The following DGKG variants were observed in gnomAD, a reference collection of about 807,000 sequenced individuals.
DGKG encodes DAG kinase gamma.
In DGKG, 78 loss-of-function variants were observed where a neutral mutation model predicts 105.3. That is an observed-to-expected ratio of 0.74 (90% CI 0.62 to 0.89). The LOEUF is 0.89. Among genes scored for constraint, DGKG ranks in the 40% least tolerant of loss-of-function variants. The pLI is 0.00. For missense variants in DGKG, 958 were observed against 1,020.1 expected, an observed-to-expected ratio of 0.94 and a Z score of 0.83; for synonymous variants, 346 against 367.1, an observed-to-expected ratio of 0.94 and a Z score of 0.66.
chr3:186,359,643 T>C (rs1727136655), intron 1 of DGKG, among the ~76,000 whole-genome samples: 1 of 152,114 alleles, frequency 6.6e-6, no homozygotes, highest in Non-Finnish European at 1.5e-5. Context: ...TCCTGAGGAT[T>C]AAAGGATATA....
intron 1 of DGKG, among the ~76,000 whole-genome samples, chr3:186,354,091 T>G (rs1282306292): frequency 6.6e-6 from 1 of 152,058 alleles, no homozygotes; most frequent in Non-Finnish European, 1.5e-5. Flanking sequence ...GATGAGACTT[T>G]TGGATGGGGA....
In DGKG at chr3:186,149,493, C is replaced by T. The variant is rs866124949; in HGVS notation, c.*597G>A. On this transcript the variant is annotated 3_prime_UTR_variant, in exon 25 of 25. Coordinates refer to ENST00000265022, the MANE Select transcript of DGKG (RefSeq NM_001346.3). The stretch of plus-strand genomic sequence containing the variant: ...CCAAGAATGGAAATACAGCTTTCCA[C>T]AGCCTTTCTGCCTCTTCAGCAGGTT... 2.0e-6 allele frequency: 2 copies of T among 985,494 alleles called. No homozygotes were observed. The highest frequency in any genetic ancestry group is 1.7e-5 in the African/African-American group (1 of 57,382). 61.0% of individuals were successfully genotyped at this position (985,494 alleles called of 1,614,324 possible).
intron 21 of DGKG, among the ~76,000 whole-genome samples, chr3:186,191,632 A>T (rs1717913153): frequency 6.6e-6 from 1 of 152,250 alleles, no homozygotes; most frequent in Non-Finnish European, 1.5e-5. Context: ...AGAATGGCAC[A>T]GTCCTGTTGA....
At chr3:186,299,071 G>A (rs1723739741) in intron 3 of DGKG, among the ~76,000 whole-genome samples, 1 of 152,194 alleles carries the variant, frequency 6.6e-6, no homozygotes, top group African/African-American at 2.4e-5. Context: ...AAGGGCTGCT[G>A]CACTCAGCAA....
chr3:186,245,061 C>T (rs186470760), intron 19 of DGKG, among the ~76,000 whole-genome samples: 1 of 152,260 alleles, frequency 6.6e-6, no homozygotes, highest in East Asian at 1.9e-4. Context: ...CACATGTTGC[C>T]TGGCACAATT....
chr3:186,258,560 G>C (rs6444117), intron 16 of DGKG, among the ~76,000 whole-genome samples: 29,632 of 152,068 alleles, frequency 0.19, 3,048 homozygotes, highest in Middle Eastern at 0.24. Flanking sequence ...CTTCAATTCA[G>C]CATGTAGGCA....
At chr3:186,286,578 G>A (rs751494654) in intron 6 of DGKG, among the ~76,000 whole-genome samples, 1 of 152,204 alleles carries the variant, frequency 6.6e-6, no homozygotes, top group Non-Finnish European at 1.5e-5. Flanking sequence ...TTGGCAATAG[G>A]TGTGGGATTT....
At chr3:186,269,928 AC>A (rs1230682617) in intron 11 of DGKG, among the ~76,000 whole-genome samples, 1 of 151,978 alleles carries the variant, frequency 6.6e-6, no homozygotes, top group East Asian at 1.9e-4. Context: ...GGGAGGCTGA[AC>A]CCTCAGTTCC....
rs973821490 is a variant in DGKG, at chr3:186,210,642, C to A, written c.1917+1153G>T. The A allele has an allele frequency of 2.2e-6, 1 of 454,122 alleles. No individual in the cohort carries two copies. Among genetic ancestry groups the A allele is most frequent in the East Asian group, 7.0e-5 (1 of 14,314 alleles). The allele number at this position is 454,122 out of a possible 1,614,324, so 28.1% of individuals were successfully genotyped here. A position where few individuals can be genotyped will look rare whatever the true frequency, so the allele number is the denominator to read the frequency against. ...CCTGTGAGTGAGGAGCACAGGGGCC[C>A]TTCCGGCAGGGAGGGGCAGGGCTTT... On this transcript the variant is annotated intron_variant, in intron 21 of 24. Coordinates refer to ENST00000265022, the MANE Select transcript of DGKG (RefSeq NM_001346.3). The surrounding 1 kb of genome is among the most constrained non-coding windows in gnomAD (Gnocchi z 5.2).
At chr3:186,183,020 G>T (rs1451593289) in intron 22 of DGKG, among the ~76,000 whole-genome samples, 2 of 152,218 alleles carry the variant, frequency 1.3e-5, no homozygotes, top group Non-Finnish European at 2.9e-5. Flanking sequence ...GAATTCACAG[G>T]CTGGGCTCGC....
chr3:186,148,170 C>T lies in DGKG; in HGVS notation c.*1920G>A, dbSNP rs769298996. ...CCCAATGAAGCTCTGCATGGCCTTG[C>T]CCTTGGGAAAGGATGGTAATGCTGG... On this transcript the variant is annotated 3_prime_UTR_variant, in exon 25 of 25. Transcript: ENST00000265022. The T allele has an allele frequency of 3.7e-5, 36 of 985,370 alleles. No individual in the cohort carries two copies. Among genetic ancestry groups the T allele is most frequent in the Non-Finnish European group, 4.3e-5 (36 of 829,996 alleles). 61.0% of individuals were successfully genotyped at this position (985,370 alleles called of 1,614,324 possible). A position where few individuals can be genotyped will look rare whatever the true frequency, so the allele number is the denominator to read the frequency against.
chr3:186,204,919 C>T lies in DGKG; in HGVS notation c.1917+6876G>A, dbSNP rs559712987. ...GAGTTCCCATTTCTGCTCCTCGTCA[C>T]GGATAGTGGCTGGGTTTTCATGGAA... On this transcript the variant is annotated intron_variant, in intron 21 of 24. Coordinates refer to ENST00000265022, the MANE Select transcript of DGKG (RefSeq NM_001346.3). Among the ~76,000 whole-genome samples, 17 of 152,212 alleles carry T rather than the reference C, an allele frequency of 1.1e-4. No individual in the cohort carries two copies. The South Asian group carries it at 2.1e-3, about 19-fold the overall frequency.
intron 20 of DGKG, among the ~76,000 whole-genome samples, chr3:186,236,008 G>A (rs1229576842): frequency 6.6e-6 from 1 of 152,196 alleles, no homozygotes; most frequent in Non-Finnish European, 1.5e-5. Flanking sequence ...CCCCTCCCTT[G>A]ATCCTGCTAG....
rs1278968832 is a variant in DGKG at position 186,284,260 on chromosome 3, A to G, written c.594+400T>C. 1.3e-5 allele frequency among the ~76,000 whole-genome samples: 2 copies of G among 151,844 alleles called. No individual in the cohort carries two copies. Among genetic ancestry groups the G allele is most frequent in the African/African-American group, 4.8e-5 (2 of 41,324 alleles). ...CAGCAGCCTCCTTCCTTGCACATCA[A>G]CAGTAACCAGCAGCCTCCTTCCTCG... is the stretch of plus-strand genomic sequence containing the variant. On this transcript the variant is annotated intron_variant, in intron 7 of 24. Transcript: ENST00000265022. The surrounding 1 kb of genome is among the most constrained non-coding windows in gnomAD (Gnocchi z 4.0).
intron 3 of DGKG, chr3:186,306,593 A>C (rs776158938): frequency 1.1e-5 from 3 of 271,242 alleles, no homozygotes; most frequent in Non-Finnish European, 2.1e-5. Context: ...AGCTTGTGAA[A>C]GATCTGTTCT....
intron 20 of DGKG, among the ~76,000 whole-genome samples, chr3:186,242,219 C>T (rs1720721566): frequency 6.6e-6 from 1 of 152,230 alleles, no homozygotes; most frequent in Non-Finnish European, 1.5e-5. Context: ...AGGGCAGACG[C>T]CCTCCCACCT....
At chr3:186,261,107 T>C (rs35649775) in intron 15 of DGKG, among the ~76,000 whole-genome samples, 90,455 of 151,980 alleles carry the variant, frequency 0.6, 28,977 homozygotes, top group East Asian at 0.75. Context: ...GGGGTGGGGG[T>C]CCTCATAGTT....
In DGKG at chr3:186,320,587, A is replaced by G. The variant is rs1725031483; in HGVS notation, c.-128T>C. 5.2e-5 allele frequency: 79 copies of G among 1,528,186 alleles called. 1 individual carries two copies. In the South Asian group the frequency reaches 9.3e-4, roughly 18 times the overall value. The allele number at this position is 1,528,186 out of a possible 1,614,324, so 94.7% of individuals were successfully genotyped here. A position where few individuals can be genotyped will look rare whatever the true frequency, so the allele number is the denominator to read the frequency against. ...GTAAGCCTTTCAGGAGACTTCTGGG[A>G]GCACTCAAGTGTATACAGCAGCAGC... is the stretch of plus-strand genomic sequence containing the variant. On this transcript the variant is annotated 5_prime_UTR_variant, in exon 2 of 25. Coordinates refer to ENST00000265022, the MANE Select transcript of DGKG (RefSeq NM_001346.3).
intron 1 of DGKG, among the ~76,000 whole-genome samples, chr3:186,333,844 C>T (rs1251683013): frequency 6.6e-6 from 1 of 152,072 alleles, no homozygotes; most frequent in African/African-American, 2.4e-5. Flanking sequence ...GTGATAGCGG[C>T]GTGGTATGTA....
Sources: allele counts gnomAD v4.1 joint callset (sites outside exome capture counted in the v4.1 genomes callset), GRCh38; gene constraint gnomAD v4.1.1; non-coding constraint Gnocchi (gnomAD v3.1); transcripts MANE v1.5; gene names NCBI Gene and HGNC (gene_info 2026-07-23, HGNC 2026-07-21).